ZMIZ1: variants seen among roughly 807,000 people sequenced by gnomAD.
ZMIZ1 encodes zinc finger MIZ domain-containing protein 1.
ZMIZ1 carries 17 observed loss-of-function variants against 113.9 expected under a neutral mutation model. The ratio of observed to expected loss-of-function variants is 0.15; its 90% CI spans 0.10 to 0.22. The LOEUF (loss-of-function observed/expected upper bound fraction) is 0.22, where lower values mean the gene tolerates loss of function less well. ZMIZ1 is among the 10% of genes least tolerant of loss of function. The pLI is 1.00. For missense variants in ZMIZ1, 1,059 were observed against 1,477.8 expected (o/e 0.72, Z 4.65); for synonymous variants, 607 against 603.1 (o/e 1.01, Z -0.09).
chr10:79,083,989 C>T (rs971781846), intron 1 of ZMIZ1, among the ~76,000 whole-genome samples: 1 of 152,190 alleles, frequency 6.6e-6, no homozygotes, highest in Non-Finnish European at 1.5e-5. Flanking sequence ...TGATATTCTG[C>T]ATTTGGTCTC....
At chr10:79,202,334 T>C (rs1472192361) in intron 5 of ZMIZ1, among the ~76,000 whole-genome samples, 1 of 151,782 alleles carries the variant, frequency 6.6e-6, no homozygotes, top group African/African-American at 2.4e-5. Flanking sequence ...CTGGACCCAG[T>C]GATTCACACC....
intron 1 of ZMIZ1, among the ~76,000 whole-genome samples, chr10:79,081,469 G>T (rs1408141743): frequency 6.6e-6 from 1 of 152,188 alleles, no homozygotes; most frequent in Non-Finnish European, 1.5e-5. Flanking sequence ...GGAAGAAAGT[G>T]GTCTGGCTTC....
intron 4 of ZMIZ1, among the ~76,000 whole-genome samples, chr10:79,182,553 G>A (rs995268682): frequency 6.6e-6 from 1 of 152,214 alleles, no homozygotes; most frequent in Non-Finnish European, 1.5e-5. Context: ...ATGAATACTG[G>A]GATGGGATTA....
chr10:79,151,636 G>A (rs543056671), intron 3 of ZMIZ1, among the ~76,000 whole-genome samples: 6 of 152,178 alleles, frequency 3.9e-5, no homozygotes, highest in African/African-American at 1.2e-4. Context: ...GAGAGGCGCT[G>A]CTCAGAGCCA....
chr10:79,134,732 T>G (rs1564671642), intron 2 of ZMIZ1, among the ~76,000 whole-genome samples: 1 of 152,140 alleles, frequency 6.6e-6, no homozygotes, highest in Non-Finnish European at 1.5e-5. Context: ...GAAAAAAATA[T>G]AATTAATACA....
At chr10:79,163,809 G>A (rs1237614508) in intron 4 of ZMIZ1, among the ~76,000 whole-genome samples, 1 of 152,214 alleles carries the variant, frequency 6.6e-6, no homozygotes, top group Non-Finnish European at 1.5e-5. Flanking sequence ...TGGCCCTCAG[G>A]CTGGTGGCCT....
At chr10:79,155,270 C>T (rs1257128816) in intron 3 of ZMIZ1, among the ~76,000 whole-genome samples, 3 of 152,192 alleles carry the variant, frequency 2.0e-5, no homozygotes, top group Non-Finnish European at 2.9e-5. Context: ...GAGTTCAAGG[C>T]CTCTTTGATT....
intron 7 of ZMIZ1, among the ~76,000 whole-genome samples, chr10:79,228,757 G>T (rs1849285294): frequency 6.6e-6 from 1 of 152,216 alleles, no homozygotes; most frequent in African/African-American, 2.4e-5. Flanking sequence ...TATGGGGCTA[G>T]TCTCAGGCTA....
Position 79,113,155 on chromosome 10 carries a change from T to A in ZMIZ1, c.-336-5760T>A, listed in dbSNP as rs555523272. Among the ~76,000 whole-genome samples, 4 of 152,332 alleles carry A rather than the reference T, an allele frequency of 2.6e-5. No homozygotes were observed. In the East Asian group the frequency reaches 7.7e-4, roughly 29 times the overall value. On this transcript the variant is annotated intron_variant, in intron 1 of 24. Coordinates refer to ENST00000334512, the MANE Select transcript of ZMIZ1 (RefSeq NM_020338.4). ...GCCTCAGGTGGCCTCTGGTTGTGGA[T>A]GGTCCCCATGCAGCGAGGCTGGGTG...
At chr10:79,224,205 G>A (rs1254836538) in intron 7 of ZMIZ1, among the ~76,000 whole-genome samples, 1 of 152,224 alleles carries the variant, frequency 6.6e-6, no homozygotes, top group Non-Finnish European at 1.5e-5. Flanking sequence ...GACACCAGAA[G>A]AGAATATACC....
chr10:79,118,606 G>A lies in ZMIZ1; in HGVS notation c.-336-309G>A, dbSNP rs1370440210. ...CAGCGTGTGCCAAGGCCGGAGCCAGGGGCTCTGGGAGGCCGGGCTGACTGG... is the reference window on the plus strand; with the variant it reads ...CAGCGTGTGCCAAGGCCGGAGCCAGAGGCTCTGGGAGGCCGGGCTGACTGG... On this transcript the variant is annotated intron_variant, in intron 1 of 24. Transcript: ENST00000334512. This position sits in a 1 kb window ranked among gnomAD's most constrained non-coding sequence, Gnocchi z 4.1. 6.6e-6 allele frequency among the ~76,000 whole-genome samples: 1 copy of A among 152,224 alleles called. No individual in the cohort carries two copies. Among genetic ancestry groups the A allele is most frequent in the African/African-American group, 2.4e-5 (1 of 41,460 alleles).
chr10:79,245,640 A>T (rs1335879666), intron 7 of ZMIZ1, among the ~76,000 whole-genome samples: 1 of 152,200 alleles, frequency 6.6e-6, no homozygotes, highest in Non-Finnish European at 1.5e-5. Flanking sequence ...GGAGTCAGGC[A>T]GCTAGAGGGA....
chr10:79,106,767 A>G (rs1843574011), intron 1 of ZMIZ1, among the ~76,000 whole-genome samples: 1 of 152,220 alleles, frequency 6.6e-6, no homozygotes, highest in Non-Finnish European at 1.5e-5. Flanking sequence ...GATGAGACCC[A>G]AGAATGATCG....
intron 6 of ZMIZ1, among the ~76,000 whole-genome samples, chr10:79,213,002 T>C (rs1313212148): frequency 8.5e-5 from 13 of 152,126 alleles, no homozygotes; most frequent in African/African-American, 2.4e-5. Flanking sequence ...TCTAGGTGTC[T>C]GGCAGCCAGG....
chr10:79,119,940 G>A (rs1844214726), intron 2 of ZMIZ1, among the ~76,000 whole-genome samples: 1 of 146,140 alleles, frequency 6.8e-6, no homozygotes. Flanking sequence ...GGTACCAACT[G>A]CGGTGCAAGG....
At chr10:79,204,926 A>G (rs533514209) in intron 5 of ZMIZ1, among the ~76,000 whole-genome samples, 12 of 152,218 alleles carry the variant, frequency 7.9e-5, no homozygotes, top group African/African-American at 2.6e-4. Flanking sequence ...GAATGGATGA[A>G]TGGGTGGGCT....
intron 7 of ZMIZ1, among the ~76,000 whole-genome samples, chr10:79,262,422 A>C (rs2131908102): frequency 6.6e-6 from 1 of 152,374 alleles, no homozygotes; most frequent in Middle Eastern, 3.4e-3. Context: ...TGAATCATTC[A>C]GCCCTGCTCT....
intron 3 of ZMIZ1, among the ~76,000 whole-genome samples, chr10:79,155,608 C>T (rs1228731823): frequency 6.6e-6 from 1 of 152,222 alleles, no homozygotes; most frequent in African/African-American, 2.4e-5. Flanking sequence ...ATTCCTGGGG[C>T]CTGGGCGATG....
At chr10:79,155,778 C>G (rs1845882120) in intron 3 of ZMIZ1, among the ~76,000 whole-genome samples, 1 of 152,228 alleles carries the variant, frequency 6.6e-6, no homozygotes, top group South Asian at 2.1e-4. Context: ...TCACTGATGC[C>G]CTCTGCAGCT....
Sources: gnomAD v4.1 joint callset for allele counts (sites outside exome capture counted in the v4.1 genomes callset) on GRCh38, gnomAD v4.1.1 for gene constraint, Gnocchi (gnomAD v3.1) non-coding constraint, MANE v1.5 for transcripts, NCBI Gene and HGNC (gene_info 2026-07-23, HGNC 2026-07-21) for gene names.